PSD3: variants seen among roughly 807,000 people sequenced by gnomAD.
PSD3 encodes the protein pleckstrin and Sec7 domain containing 3.
Under a neutral mutation model 105.5 loss-of-function variants are expected in PSD3, and 49 were observed. The ratio of observed to expected loss-of-function variants is 0.46; its 90% confidence interval spans 0.37 to 0.59. PSD3 has a LOEUF of 0.59. PSD3 is among the 20% of genes least tolerant of loss of function. PSD3 has a pLI of 0.00. For synonymous variants in PSD3, 557 were observed against 457.8 expected, an observed-to-expected ratio of 1.22 and a Z score of -2.77; for missense variants, 1,561 against 1,263.8, an observed-to-expected ratio of 1.24 and a Z score of -3.57.
chr8:18,591,990 C>G (rs1205909778), intron 12 of PSD3, among the ~76,000 whole-genome samples: 1 of 152,092 alleles, frequency 6.6e-6, no homozygotes, highest in Non-Finnish European at 1.5e-5. Context: ...GTGGCTGATT[C>G]TTCAAATGTG....
intron 9 of PSD3, among the ~76,000 whole-genome samples, chr8:18,688,632 T>C (rs779679368): frequency 9.2e-5 from 14 of 152,242 alleles, no homozygotes; most frequent in Non-Finnish European, 1.5e-4. Flanking sequence ...AGTTTTCCAA[T>C]TGTTTTCTGA....
chr8:18,570,843 C>CTATTATTATTATTATTATTAT lies in PSD3; in HGVS notation c.2784+1664_2784+1684dup, dbSNP rs57603961. ...GATCACATTACTGTCCTGCTTAAAA[C>CTATTATTATTATTATTATTAT]TATTATTATTATTATTATTATTATT... is the stretch of plus-strand genomic sequence containing the variant. On this transcript the variant is annotated intron_variant, in intron 14 of 15. Transcript: ENST00000327040. 2.8e-3 allele frequency among the ~76,000 whole-genome samples: 328 copies of CTATTATTATTATTATTATTAT among 117,416 alleles called. 2 individuals are homozygous for CTATTATTATTATTATTATTAT. The highest frequency in any genetic ancestry group is 6.3e-3 in the African/African-American group (236 of 37,508). 77.0% of individuals were successfully genotyped at this position (117,416 alleles called of 152,430 possible). A position where few individuals can be genotyped will look rare whatever the true frequency, so the allele number is the denominator to read the frequency against.
At chr8:18,716,290 G>C (rs1022187757) in intron 9 of PSD3, among the ~76,000 whole-genome samples, 2 of 152,180 alleles carry the variant, frequency 1.3e-5, no homozygotes, top group African/African-American at 4.8e-5. Flanking sequence ...GTGTCTGACG[G>C]TGGCATCAAA....
At chr8:18,811,041 T>A (rs1348228350) in intron 4 of PSD3, among the ~76,000 whole-genome samples, 1 of 152,208 alleles carries the variant, frequency 6.6e-6, no homozygotes, top group African/African-American at 2.4e-5. Context: ...AGAGAGCACA[T>A]CATCTAATTC....
At chr8:18,697,486 C>G (rs374266586) in intron 9 of PSD3, among the ~76,000 whole-genome samples, 32 of 152,186 alleles carry the variant, frequency 2.1e-4, no homozygotes, top group African/African-American at 7.2e-4. Context: ...CTTTTATATA[C>G]AGTATTAAGG....
chr8:18,953,726 G>A (rs1563458144), intron 1 of PSD3, among the ~76,000 whole-genome samples: 1 of 151,716 alleles, frequency 6.6e-6, no homozygotes, highest in Non-Finnish European at 1.5e-5. Flanking sequence ...TCCAGCCTGG[G>A]TGACAGCAAG....
Position 18,556,333 on chromosome 8 carries a change from T to C in PSD3, c.2804A>G (p.His935Arg). ...KLSQEEQLKS[H>R]ESKLKQITTE... ...GGTGATCTGCTTCAGCTTACTTTCATGTGACTTCAGTTGCTCCTCCTGCAG... is the reference window on the plus strand; with the variant it reads ...GGTGATCTGCTTCAGCTTACTTTCACGTGACTTCAGTTGCTCCTCCTGCAG... The change falls in exon 15 of 16, where the codon CAT becomes CGT. Residue 935 changes from histidine to arginine, a missense_variant. Physicochemically the swap from His to Arg is conservative, Grantham distance 29. Coordinates refer to ENST00000327040, the MANE Select transcript of PSD3 (RefSeq NM_015310.4). 1.2e-6 allele frequency: 2 copies of C among 1,613,204 alleles called. No homozygotes were observed. The highest frequency in any genetic ancestry group is 1.1e-5 in the South Asian group (1 of 90,824).
intron 1 of PSD3, chr8:19,000,077 T>C (rs1317910936): frequency 1.5e-5 from 2 of 136,852 alleles, no homozygotes; most frequent in Admixed American, 7.5e-5. Context: ...ACCGAGAAGG[T>C]AGGAAGAATT....
chr8:18,911,120 C>G (rs1190127726), intron 2 of PSD3, among the ~76,000 whole-genome samples: 1 of 151,838 alleles, frequency 6.6e-6, no homozygotes, highest in Non-Finnish European at 1.5e-5. Context: ...AATCAGTCAA[C>G]CAATAAAACA....
At chr8:19,042,909 G>A (rs775026921) in intron 1 of PSD3, among the ~76,000 whole-genome samples, 6 of 152,084 alleles carry the variant, frequency 3.9e-5, no homozygotes, top group Admixed American at 2.6e-4. Context: ...AACTTCCATC[G>A]TTATAAAATC....
At chr8:18,789,120 A>G (rs527288028) in intron 8 of PSD3, among the ~76,000 whole-genome samples, 17 of 152,340 alleles carry the variant, frequency 1.1e-4, no homozygotes, top group African/African-American at 4.1e-4. Context: ...TCAGAGTGGT[A>G]AAAAGAAAAA....
chr8:18,799,826 AGTT>A (rs1163875955), intron 7 of PSD3, among the ~76,000 whole-genome samples: 2 of 152,192 alleles, frequency 1.3e-5, no homozygotes, highest in African/African-American at 4.8e-5. Flanking sequence ...CACTACAATT[AGTT>A]GTTCTCGTTA....
At chr8:18,791,036 C>T (rs555510689) in intron 8 of PSD3, among the ~76,000 whole-genome samples, 1 of 152,050 alleles carries the variant, frequency 6.6e-6, no homozygotes, top group Admixed American at 6.5e-5. Context: ...AGGACCTCTT[C>T]AAGAAGAGCT....
At chr8:18,684,934 A>C (rs935690343) in intron 9 of PSD3, among the ~76,000 whole-genome samples, 1 of 152,206 alleles carries the variant, frequency 6.6e-6, no homozygotes, top group Admixed American at 6.5e-5. Context: ...TTTAGCTCCT[A>C]ACATATGAAG....
At chr8:18,951,777 G>A (rs1306001052) in intron 1 of PSD3, among the ~76,000 whole-genome samples, 1 of 152,062 alleles carries the variant, frequency 6.6e-6, no homozygotes, top group African/African-American at 2.4e-5. Flanking sequence ...CTGAGGTCAG[G>A]AGTTCGAGAC....
intron 1 of PSD3, among the ~76,000 whole-genome samples, chr8:19,040,473 TG>T (rs1426447961): frequency 1.3e-5 from 2 of 152,158 alleles, no homozygotes; most frequent in African/African-American, 4.8e-5. Flanking sequence ...CCCAAAGTGT[TG>T]GGATTATAGG....
intron 1 of PSD3, among the ~76,000 whole-genome samples, chr8:18,963,846 T>C (rs1824078425): frequency 6.6e-6 from 1 of 152,196 alleles, no homozygotes; most frequent in African/African-American, 2.4e-5. Flanking sequence ...GTATAATGCT[T>C]GCCCAAACAG....
intron 1 of PSD3, among the ~76,000 whole-genome samples, chr8:19,007,438 A>G (rs1309061766): frequency 6.6e-6 from 1 of 151,996 alleles, no homozygotes; most frequent in Non-Finnish European, 1.5e-5. Flanking sequence ...CACATTTCAC[A>G]TGCTTAGCAG....
At chr8:19,013,445 A>G in intron 1 of PSD3, 118 bp downstream of exon 1, 1 of 1,429,874 alleles carries the variant, frequency 7.0e-7, no homozygotes, top group Non-Finnish European at 9.5e-7. Context: ...CAGACAGCAC[A>G]AACCCAGGTG....
Sources: gnomAD v4.1 joint callset for allele counts (sites outside exome capture counted in the v4.1 genomes callset) on GRCh38, gnomAD v4.1.1 for gene constraint, MANE v1.5 for transcripts, NCBI Gene and HGNC (gene_info 2026-07-23, HGNC 2026-07-21) for gene names.